VWA8: variants seen among roughly 807,000 people sequenced by gnomAD.
VWA8 encodes von Willebrand factor A domain containing 8, also known as von Willebrand factor A domain-containing protein 8.
In VWA8, 221 loss-of-function variants were observed where a neutral mutation model predicts 241.5. The ratio of observed to expected loss-of-function variants is 0.91; its 90% CI spans 0.82 to 1.02. The LOEUF (loss-of-function observed/expected upper bound fraction) is 1.02, where lower values mean the gene tolerates loss of function less well. Ranked by LOEUF, VWA8 falls within the 50% of genes least tolerant of loss-of-function variation. VWA8 has a pLI of 0.00. For missense variants in VWA8, 2,322 were observed against 2,328.7 expected (o/e 1.00, Z 0.06); for synonymous variants, 852 against 827.1 (o/e 1.03, Z -0.52).
intron 37 of VWA8, among the ~76,000 whole-genome samples, chr13:41,628,780 C>T (rs890435778): frequency 9.2e-5 from 14 of 152,122 alleles, no homozygotes; most frequent in Non-Finnish European, 1.8e-4. Flanking sequence ...CAGTGGCTCA[C>T]GCCTGTAATC....
chr13:41,739,108 G>A (rs560727262), intron 21 of VWA8, among the ~76,000 whole-genome samples: 5 of 152,194 alleles, frequency 3.3e-5, no homozygotes, highest in Non-Finnish European at 7.4e-5. Context: ...AGAGATTGGA[G>A]GAGTATCTGT....
chr13:41,768,841 T>C (rs2045797783), intron 20 of VWA8, among the ~76,000 whole-genome samples: 1 of 151,786 alleles, frequency 6.6e-6, no homozygotes, highest in Admixed American at 6.6e-5. Flanking sequence ...GCACATCAAC[T>C]AAATTCAATG....
intron 26 of VWA8, 58 bp downstream of exon 26, chr13:41,719,533 A>G: frequency 1.9e-6 from 3 of 1,604,550 alleles, no homozygotes; most frequent in Middle Eastern, 1.7e-4. Context: ...GTAGAATGGA[A>G]TGATAAATCA....
At chr13:41,702,828 C>G (rs1422196140) in intron 27 of VWA8, among the ~76,000 whole-genome samples, 2 of 152,326 alleles carry the variant, frequency 1.3e-5, no homozygotes, top group South Asian at 2.1e-4. Flanking sequence ...AGTGTTGCCC[C>G]TCAACTTCTG....
chr13:41,688,905 G>A (rs1356079147), intron 34 of VWA8, among the ~76,000 whole-genome samples: 1 of 151,978 alleles, frequency 6.6e-6, no homozygotes, highest in Non-Finnish European at 1.5e-5. Flanking sequence ...CAAACCATCT[G>A]TACAACAAAC....
In VWA8 at chr13:41,821,429, G is replaced by A. The variant is rs540535617; in HGVS notation, c.1701-2043C>T. On this transcript the variant is annotated intron_variant, in intron 14 of 44. Coordinates refer to ENST00000379310, the MANE Select transcript of VWA8 (RefSeq NM_015058.2). ...CCTTACATACAAATAGGTTACATGG[G>A]AAGTCATTTCCTGATGATGCTAGCT... Among the ~76,000 whole-genome samples the A allele has an allele frequency of 2.0e-5, 3 of 152,256 alleles. No individual in the cohort carries two copies. The South Asian group carries it at 6.2e-4, about 32-fold the overall frequency.
intron 9 of VWA8, 143 bp from the exon 10 acceptor site, chr13:41,868,620 C>T (rs946693727): frequency 7.6e-6 from 8 of 1,050,178 alleles, no homozygotes; most frequent in Non-Finnish European, 1.0e-5. Context: ...GGCGGTGGCT[C>T]AGGCCTGTTA....
At chr13:41,853,689 T>C (rs73185316) in intron 12 of VWA8, among the ~76,000 whole-genome samples, 8,942 of 152,274 alleles carry the variant, frequency 0.059, 372 homozygotes, top group Non-Finnish European at 0.092. Context: ...AGCCTTTGTA[T>C]TTCTGTGCTA....
Position 41,912,055 on chromosome 13 carries a change from T to C in VWA8, c.355A>G (p.Ile119Val), listed in dbSNP as rs773084817. Residue 119 changes from isoleucine (I) to valine (V), a missense_variant, in exon 3 of 45, where the codon ATT (isoleucine) becomes GTT (valine). Physicochemically the swap from Ile to Val is conservative, Grantham distance 29. Transcript: ENST00000379310. Reference protein sequence around the residue: ...IGPPGPLRRSIAMQYLELTKR... With the variant: ...IGPPGPLRRSVAMQYLELTKR... Reference sequence around the variant, plus strand: ...CTGCTCACCAAGTACTGCATAGCAATAGAGCGTCGAAGAGGCCCAGGAGGT... The same window carrying C: ...CTGCTCACCAAGTACTGCATAGCAACAGAGCGTCGAAGAGGCCCAGGAGGT... 1 of 1,597,554 alleles carries C rather than the reference T, an allele frequency of 6.3e-7. No homozygotes were observed. Among genetic ancestry groups the C allele is most frequent in the Non-Finnish European group, 8.5e-7 (1 of 1,170,140 alleles).
chr13:41,787,041 T>C lies in VWA8; in HGVS notation c.2170+396A>G, dbSNP rs74051195. On this transcript the variant is annotated intron_variant, in intron 18 of 44. Coordinates refer to ENST00000379310, the MANE Select transcript of VWA8 (RefSeq NM_015058.2). ...AGGAAAGTTTCTCCAACATATCTTA[T>C]AGGACATCGCTGACCCTCAAAATGT... Among the ~76,000 whole-genome samples the C allele has an allele frequency of 6.8e-3, 1,029 of 151,140 alleles. 7 individuals are homozygous for C. Among genetic ancestry groups the C allele is most frequent in the African/African-American group, 0.023 (942 of 41,138 alleles).
intron 14 of VWA8, among the ~76,000 whole-genome samples, chr13:41,820,216 A>C (rs1870892433): frequency 6.6e-6 from 1 of 152,224 alleles, no homozygotes; most frequent in South Asian, 2.1e-4. Context: ...TGAGGGTAAT[A>C]TAGTTCTTGC....
intron 35 of VWA8, among the ~76,000 whole-genome samples, chr13:41,682,968 AG>A (rs1038218054): frequency 1.3e-5 from 2 of 152,188 alleles, no homozygotes; most frequent in African/African-American, 4.8e-5. Flanking sequence ...AAGTGCTGAC[AG>A]GGATGCAGTG....
intron 23 of VWA8, 68 bp downstream of exon 23, chr13:41,729,474 T>A: frequency 6.9e-7 from 1 of 1,443,944 alleles, no homozygotes; most frequent in Non-Finnish European, 9.2e-7. Context: ...GCAGCTAAGT[T>A]TGTGATTTGA....
chr13:41,672,743 C>G (rs1036310824), intron 36 of VWA8, among the ~76,000 whole-genome samples: 1 of 152,164 alleles, frequency 6.6e-6, no homozygotes, highest in African/African-American at 2.4e-5. Context: ...CTTTACAGGA[C>G]TCCCAGAAGG....
At chr13:41,783,972 G>A (rs41288295) in intron 18 of VWA8, 71 bp from the exon 19 acceptor site, 127 of 1,054,896 alleles carry the variant, frequency 1.2e-4, no homozygotes, top group Non-Finnish European at 1.6e-4. Flanking sequence ...ACCCAACACA[G>A]AATGCAATAC....
intron 20 of VWA8, among the ~76,000 whole-genome samples, chr13:41,763,096 C>T (rs113317949): frequency 3.3e-5 from 5 of 151,898 alleles, no homozygotes; most frequent in South Asian, 2.1e-4. Context: ...AGTGAGGCCT[C>T]ATCTCTATAA....
intron 19 of VWA8, among the ~76,000 whole-genome samples, chr13:41,779,076 C>T (rs1008102648): frequency 1.3e-5 from 2 of 150,590 alleles, no homozygotes; most frequent in African/African-American, 4.9e-5. Flanking sequence ...CTCCTGACCT[C>T]GTGATCTGCC....
At position 41,761,195 on chromosome 13, in the gene VWA8, T is replaced by C; in HGVS notation, c.2359A>G (p.Lys787Glu). 1.9e-6 allele frequency: 3 copies of C among 1,611,480 alleles called. No individual in the cohort carries two copies. Among genetic ancestry groups the C allele is most frequent in the Non-Finnish European group, 2.5e-6 (3 of 1,178,312 alleles). ...AGGAATCTGTCAACAATCTTGTTTT[T>C]TCCTACACCCTGTAATTACACAGAA... ...LLLVGNQGVG[K>E]NKIVDRFLHL... is the part of the protein sequence containing the mutation. The change falls in exon 21 of 45, where the codon AAA becomes GAA. Residue 787 changes from lysine to glutamate, a missense_variant. Coordinates refer to ENST00000379310, the MANE Select transcript of VWA8 (RefSeq NM_015058.2).
intron 2 of VWA8, among the ~76,000 whole-genome samples, chr13:41,937,317 T>C (rs1212616529): frequency 6.6e-6 from 1 of 152,228 alleles, no homozygotes; most frequent in Admixed American, 6.5e-5. Flanking sequence ...CAACTCACCA[T>C]AATGTAGAAT....
Sources: gnomAD v4.1 joint callset for allele counts (sites outside exome capture counted in the v4.1 genomes callset) on GRCh38, gnomAD v4.1.1 for gene constraint, MANE v1.5 for transcripts, NCBI Gene and HGNC (gene_info 2026-07-23, HGNC 2026-07-21) for gene names.